The following ADRA2A variants were observed in gnomAD, a reference collection of about 807,000 sequenced individuals.
ADRA2A encodes the protein adrenoceptor alpha 2A, also known as alpha-2A adrenergic receptor.
In ADRA2A, 6 loss-of-function variants were observed where a neutral mutation model predicts 5.9. The observed-to-expected ratio is 1.01, with a 90% CI of 0.55 to 2.00. ADRA2A has a LOEUF of 2.00. Ranked by LOEUF, ADRA2A falls within the 30% of genes most tolerant of loss-of-function variation. The pLI is 0.00. For synonymous variants in ADRA2A, 345 were observed against 325.9 expected (o/e 1.06, Z -0.63); for missense variants, 647 against 690.0 (o/e 0.94, Z 0.70).
rs1843548804 is a variant in ADRA2A at position 111,077,875 on chromosome 10, G to A, written c.-122G>A. ...CCTCCAGTTCGGGCCCGGCCTCCCT[G>A]CGGCCCCCTCCCTATGTGAGCCGCA... On this transcript the variant is annotated 5_prime_UTR_variant, in exon 1 of 1. Coordinates refer to ENST00000280155, the MANE Select transcript of ADRA2A (RefSeq NM_000681.4). 7.8e-7 allele frequency: 1 copy of A among 1,285,068 alleles called. No homozygotes were observed. The highest frequency in any genetic ancestry group is 9.8e-7 in the Non-Finnish European group (1 of 1,021,882). 79.6% of individuals were successfully genotyped at this position (1,285,068 alleles called of 1,614,324 possible). A position where few individuals can be genotyped will look rare whatever the true frequency, so the allele number is the denominator to read the frequency against.
rs370131502 is a variant in ADRA2A at position 111,078,594 on chromosome 10, G to C, written c.598G>C (p.Glu200Gln). ...CGGCGGCGGCGGCCCGCAGCCGGCCGAGCCGCGCTGCGAGATCAACGACCA... is the reference window on the plus strand; with the variant it reads ...CGGCGGCGGCGGCCCGCAGCCGGCCCAGCCGCGCTGCGAGATCAACGACCA... ...KGGGGGPQPA[E>Q]PRCEINDQKW... Residue 200 changes from glutamate (E) to glutamine (Q), a missense_variant, in exon 1 of 1, where the codon GAG becomes CAG. This residue lies in a region of ADRA2A where 577 missense variants were observed against 605.4 expected (regional missense o/e 0.95). Coordinates refer to ENST00000280155, the MANE Select transcript of ADRA2A (RefSeq NM_000681.4). 8.1e-6 allele frequency: 13 copies of C among 1,599,956 alleles called. No individual in the cohort carries two copies. Among genetic ancestry groups the C allele is most frequent in the South Asian group, 1.1e-5 (1 of 89,780 alleles).
In ADRA2A at chr10:111,079,421, C is replaced by G. The variant is rs759077809; in HGVS notation, c.*27C>G. The G allele has an allele frequency of 2.5e-6, 4 of 1,609,906 alleles. No homozygotes were observed. The Admixed American group carries it at 6.7e-5, about 27-fold the overall frequency. On this transcript the variant is annotated 3_prime_UTR_variant, in exon 1 of 1. Transcript: ENST00000280155. ...GTTTCCGCTGGCGCCCGCGTAGACT[C>G]ACGCTGACTGCAGGCAGCGGGGGGC... is the stretch of plus-strand genomic sequence containing the variant.
At position 111,078,056 on chromosome 10, in the gene ADRA2A, G is replaced by A; in HGVS notation, c.60G>A (p.Gln20=). Residue 20 remains glutamine (Q), a synonymous_variant, in exon 1 of 1, where the codon CAG becomes CAA. Coordinates refer to ENST00000280155, the MANE Select transcript of ADRA2A (RefSeq NM_000681.4). The part of the protein sequence containing the change: ...EGSFAPMGSL[Q]PDAGNASWNG... ...GCTTTGCGCCCATGGGCTCCCTGCA[G>A]CCGGACGCGGGCAACGCGAGCTGGA... is the stretch of plus-strand genomic sequence containing the variant. 6.5e-7 allele frequency: 1 copy of A among 1,534,128 alleles called. No individual in the cohort carries two copies. Among genetic ancestry groups the A allele is most frequent in the Non-Finnish European group, 8.7e-7 (1 of 1,147,860 alleles).
Position 111,078,939 on chromosome 10 carries a change from G to T in ADRA2A, c.943G>T (p.Asp315Tyr). 1.6e-6 allele frequency: 2 copies of T among 1,235,344 alleles called. No homozygotes were observed. Among genetic ancestry groups the T allele is most frequent in the Non-Finnish European group, 2.0e-6 (2 of 989,464 alleles). 76.5% of individuals were successfully genotyped at this position (1,235,344 alleles called of 1,614,324 possible). Reference sequence around the variant, plus strand: ...GGACCTGGAGGAGAGCTCGTCTTCCGACCACGCCGAGCGGCCTCCAGGGCC... The same window carrying T: ...GGACCTGGAGGAGAGCTCGTCTTCCTACCACGCCGAGCGGCCTCCAGGGCC... ...ALDLEESSSS[D>Y]HAERPPGPRR... Residue 315 changes from aspartate (D) to tyrosine (Y), a missense_variant, in exon 1 of 1, where the codon GAC becomes TAC. By Grantham distance (160) the Asp-to-Tyr change is radical. This residue lies in a region of ADRA2A where 577 missense variants were observed against 605.4 expected (regional missense o/e 0.95). Coordinates refer to ENST00000280155, the MANE Select transcript of ADRA2A (RefSeq NM_000681.4).
rs550192138 is a variant in ADRA2A, at chr10:111,079,643, C to T, written c.*249C>T. On this transcript the variant is annotated 3_prime_UTR_variant, in exon 1 of 1. Transcript: ENST00000280155. ...GACCTGGAGCCATCTTCCTAGTGGG[C>T]CACCCCTAATCACTATTGCTTCCTA... is the stretch of plus-strand genomic sequence containing the variant. 5.0e-6 allele frequency: 3 copies of T among 601,420 alleles called. No individual in the cohort carries two copies. Among genetic ancestry groups the T allele is most frequent in the Non-Finnish European group, 6.1e-6 (2 of 329,762 alleles). The allele number at this position is 601,420 out of a possible 1,614,324, so 37.3% of individuals were successfully genotyped here.
At position 111,080,241 on chromosome 10, in the gene ADRA2A, G is replaced by A. The variant is rs13306145; in HGVS notation, c.*847G>A. 704 of 167,036 alleles carry A rather than the reference G, an allele frequency of 4.2e-3. 12 individuals are homozygous for A. The highest frequency in any genetic ancestry group is 0.029 in the East Asian group (149 of 5,186). The allele number at this position is 167,036 out of a possible 1,614,324, so 10.3% of individuals were successfully genotyped here. ...GCCTCACATCAGCCCTGTGTATAAA[G>A]CCATTATTCTCTGATGCACTGTTTG... On this transcript the variant is annotated 3_prime_UTR_variant, in exon 1 of 1. Coordinates refer to ENST00000280155, the MANE Select transcript of ADRA2A (RefSeq NM_000681.4).
At position 111,079,094 on chromosome 10, in the gene ADRA2A, G is replaced by T; in HGVS notation, c.1098G>T (p.Glu366Asp). Residue 366 changes from glutamate (E) to aspartate (D), a missense_variant, in exon 1 of 1, where the codon GAG becomes GAT. By Grantham distance (45) the Glu-to-Asp change is conservative. Coordinates refer to ENST00000280155, the MANE Select transcript of ADRA2A (RefSeq NM_000681.4). ...GGACGCCGGCTGCAGGGCCGGGGGA[G>T]GAGCGCGTCGGGGCTGCCAAGGCGT... ...GIGTPAAGPG[E>D]ERVGAAKASR... 1 of 1,524,114 alleles carries T rather than the reference G, an allele frequency of 6.6e-7. No homozygotes were observed. 94.4% of individuals were successfully genotyped at this position (1,524,114 alleles called of 1,614,324 possible). A position where few individuals can be genotyped will look rare whatever the true frequency, so the allele number is the denominator to read the frequency against.
chr10:111,078,802 GC>G lies in ADRA2A; in HGVS notation c.810del (p.Glu271SerfsTer71). The G allele has an allele frequency of 1.6e-6, 2 of 1,264,412 alleles. No individual in the cohort carries two copies. Among genetic ancestry groups the G allele is most frequent in the Admixed American group, 4.3e-5 (1 of 23,484 alleles). 78.3% of individuals were successfully genotyped at this position (1,264,412 alleles called of 1,614,324 possible). On this transcript the variant is annotated frameshift_variant, in exon 1 of 1. Coordinates refer to ENST00000280155, the MANE Select transcript of ADRA2A (RefSeq NM_000681.4). LOFTEE classifies it low-confidence loss of function (END_TRUNC). ...GGTERRPNGLGPERSAGPGGA... is the reference protein window; with the variant it reads ...GGTERRPNGLXPERSAGPGGA... Reference sequence around the variant, plus strand: ...ACCGAGCGCAGGCCCAACGGTCTGGGCCCCGAGCGCAGCGCGGGCCCGGGGG... The same window carrying G: ...ACCGAGCGCAGGCCCAACGGTCTGGGCCCGAGCGCAGCGCGGGCCCGGGGG...
chr10:111,078,390 T>C lies in ADRA2A; in HGVS notation c.394T>C (p.Cys132Arg). The C allele has an allele frequency of 1.2e-6, 2 of 1,613,962 alleles. No homozygotes were observed. Among genetic ancestry groups the C allele is most frequent in the Non-Finnish European group, 1.7e-6 (2 of 1,179,966 alleles). ...EIYLALDVLF[C>R]TSSIVHLCAI... ...CTACCTGGCGCTCGACGTGCTCTTC[T>C]GCACGTCGTCCATCGTGCACCTGTG... is the stretch of plus-strand genomic sequence containing the variant. The change falls in exon 1 of 1, where the codon TGC (cysteine) becomes CGC (arginine). Residue 132 changes from cysteine to arginine, a missense_variant. Transcript: ENST00000280155.
In ADRA2A at chr10:111,078,805, C is replaced by T; in HGVS notation, c.809C>T (p.Pro270Leu). Residue 270 changes from proline to leucine, a missense_variant, in exon 1 of 1, where the codon CCC becomes CTC. By Grantham distance (98) the Pro-to-Leu change is moderately conservative. This residue lies in a region of ADRA2A where 577 missense variants were observed against 605.4 expected (regional missense o/e 0.95). Transcript: ENST00000280155. ...GAGCGCAGGCCCAACGGTCTGGGCC[C>T]CGAGCGCAGCGCGGGCCCGGGGGGC... ...GTERRPNGLG[P>L]ERSAGPGGAE... 1.6e-6 allele frequency: 2 copies of T among 1,257,702 alleles called. No homozygotes were observed. Among genetic ancestry groups the T allele is most frequent in the Non-Finnish European group, 2.0e-6 (2 of 996,770 alleles). The allele number at this position is 1,257,702 out of a possible 1,614,324, so 77.9% of individuals were successfully genotyped here. A position where few individuals can be genotyped will look rare whatever the true frequency, so the allele number is the denominator to read the frequency against.
Sources: gnomAD v4.1 joint callset for allele counts on GRCh38, gnomAD v4.1.1 for gene constraint, gnomAD v4.1.1 regional missense constraint, MANE v1.5 for transcripts, NCBI Gene and HGNC (gene_info 2026-07-23, HGNC 2026-07-21) for gene names.